PTPRD: variants seen among roughly 807,000 people sequenced by gnomAD.
The protein encoded by PTPRD is protein tyrosine phosphatase receptor type D.
A neutral mutation model predicts 214.5 loss-of-function variants in PTPRD; 34 were observed. The ratio of observed to expected loss-of-function variants is 0.16; its 90% CI spans 0.12 to 0.21. The LOEUF (loss-of-function observed/expected upper bound fraction) is 0.21, where lower values mean the gene tolerates loss of function less well. Among genes scored for constraint, PTPRD ranks in the 10% least tolerant of loss-of-function variants. PTPRD has a pLI of 1.00. For synonymous variants in PTPRD, 1,128 were observed against 845.7 expected, an observed-to-expected ratio of 1.33 and a Z score of -5.79; for missense variants, 2,545 against 2,398.7, an observed-to-expected ratio of 1.06 and a Z score of -1.27.
intron 5 of PTPRD, among the ~76,000 whole-genome samples, chr9:9,834,192 G>A (rs897235213): frequency 1.1e-4 from 16 of 152,022 alleles, no homozygotes; most frequent in African/African-American, 3.9e-4. Flanking sequence ...CTTCTGCCAT[G>A]GCTTCAGCCG....
chr9:9,724,901 C>T (rs973615639), intron 7 of PTPRD, among the ~76,000 whole-genome samples: 2 of 152,122 alleles, frequency 1.3e-5, no homozygotes, highest in Admixed American at 1.3e-4. Context: ...TACTAAGCTA[C>T]AGTACAATGA....
chr9:9,059,785 G>C (rs2099703747), intron 10 of PTPRD, among the ~76,000 whole-genome samples: 1 of 151,834 alleles, frequency 6.6e-6, no homozygotes, highest in Non-Finnish European at 1.5e-5. Context: ...ACAAATATTA[G>C]AAAATGAAAT....
intron 6 of PTPRD, among the ~76,000 whole-genome samples, chr9:9,740,642 G>A (rs1017141089): frequency 4.6e-5 from 7 of 152,126 alleles, no homozygotes; most frequent in African/African-American, 7.2e-5. Flanking sequence ...GGGATTACAG[G>A]CCTGAGCCAC....
Position 9,887,788 on chromosome 9 carries a change from G to C in PTPRD, c.-368+50719C>G, listed in dbSNP as rs116377335. On this transcript the variant is annotated intron_variant, in intron 5 of 45. Transcript: ENST00000381196. ...AGTTTTACTAGTAGGAAAATGTGGA[G>C]GGGGCAATATTTTTAAAATACTCTT... Among the ~76,000 whole-genome samples, 1,284 of 152,210 alleles carry C rather than the reference G, an allele frequency of 8.4e-3. 19 individuals carry two copies. The highest frequency in any genetic ancestry group is 0.029 in the African/African-American group (1,223 of 41,534).
chr9:9,672,024 A>G, intron 7 of PTPRD, among the ~76,000 whole-genome samples: 1 of 152,214 alleles, frequency 6.6e-6, no homozygotes, highest in East Asian at 1.9e-4. Flanking sequence ...TCAGGGATGC[A>G]TTTGAGAGAA....
At chr9:9,600,731 T>C (rs1263329812) in intron 7 of PTPRD, among the ~76,000 whole-genome samples, 1 of 152,142 alleles carries the variant, frequency 6.6e-6, no homozygotes, top group African/African-American at 2.4e-5. Context: ...ATAACAATTA[T>C]AACAGAACCG....
intron 6 of PTPRD, among the ~76,000 whole-genome samples, chr9:9,751,387 C>T (rs1336111316): frequency 6.6e-6 from 1 of 152,008 alleles, no homozygotes; most frequent in Non-Finnish European, 1.5e-5. Flanking sequence ...AAAATTAATG[C>T]AACATTAGAA....
At chr9:9,085,139 A>AT (rs1274827615) in intron 10 of PTPRD, among the ~76,000 whole-genome samples, 1 of 152,042 alleles carries the variant, frequency 6.6e-6, no homozygotes, top group Non-Finnish European at 1.5e-5. Context: ...ATATTTAGTG[A>AT]TTTTTTTGGT....
At chr9:8,987,508 A>T (rs1490765465) in intron 11 of PTPRD, among the ~76,000 whole-genome samples, 2 of 152,126 alleles carry the variant, frequency 1.3e-5, no homozygotes, top group African/African-American at 4.8e-5. Flanking sequence ...AGAGAAAGAA[A>T]AGTGCTGTGT....
chr9:9,620,799 C>T (rs569708533), intron 7 of PTPRD, among the ~76,000 whole-genome samples: 2 of 151,624 alleles, frequency 1.3e-5, no homozygotes, highest in South Asian at 4.2e-4. Flanking sequence ...TTATCGTCAG[C>T]TACATCAGCA....
intron 14 of PTPRD, among the ~76,000 whole-genome samples, chr9:8,564,610 G>A (rs543443065): frequency 1.3e-5 from 2 of 152,252 alleles, no homozygotes; most frequent in East Asian, 3.9e-4. Flanking sequence ...TGAGGCAGGA[G>A]AATTGTTTGA....
intron 10 of PTPRD, among the ~76,000 whole-genome samples, chr9:9,094,465 G>C (rs1006799424): frequency 6.6e-6 from 1 of 152,134 alleles, no homozygotes; most frequent in African/African-American, 2.4e-5. Context: ...TGGGAGCTAA[G>C]CTAGGAGGAC....
chr9:9,775,456 T>C (rs1189535520), intron 5 of PTPRD, among the ~76,000 whole-genome samples: 2 of 152,170 alleles, frequency 1.3e-5, no homozygotes, highest in Non-Finnish European at 2.9e-5. Context: ...AATAAAATAA[T>C]TAGAATTACA....
At chr9:9,617,683 G>A (rs945554528) in intron 7 of PTPRD, among the ~76,000 whole-genome samples, 1 of 152,086 alleles carries the variant, frequency 6.6e-6, no homozygotes, top group Admixed American at 6.5e-5. Flanking sequence ...TGAAGGGTGG[G>A]GTGAAGTAGG....
chr9:9,921,750 A>G (rs1456384405), intron 5 of PTPRD, among the ~76,000 whole-genome samples: 1 of 146,718 alleles, frequency 6.8e-6, no homozygotes, highest in Non-Finnish European at 1.5e-5. Context: ...AATTTATAGA[A>G]GTAAAAAAAA....
chr9:8,496,211 A>ACACAAACAC (rs1554641959), intron 26 of PTPRD, among the ~76,000 whole-genome samples: 4 of 91,450 alleles, frequency 4.4e-5, no homozygotes, highest in African/African-American at 1.5e-4. Context: ...CACACACACA[A>ACACAAACAC]ACACACACAC....
chr9:9,954,230 C>A (rs1389951030), intron 4 of PTPRD, among the ~76,000 whole-genome samples: 1 of 133,916 alleles, frequency 7.5e-6, no homozygotes. Flanking sequence ...TGGGAGGAGG[C>A]TACAGTGAGC....
intron 3 of PTPRD, among the ~76,000 whole-genome samples, chr9:10,104,816 G>A (rs917093271): frequency 1.3e-5 from 2 of 151,822 alleles, no homozygotes; most frequent in Non-Finnish European, 2.9e-5. Context: ...TATTTAAGAA[G>A]CAACAGCTTT....
chr9:10,173,446 T>C (rs1014418077), intron 3 of PTPRD, among the ~76,000 whole-genome samples: 17 of 152,154 alleles, frequency 1.1e-4, no homozygotes, highest in African/African-American at 2.9e-4. Flanking sequence ...AATTCCCCCA[T>C]AGATTATCAC....
Sources: allele counts gnomAD v4.1 joint callset (sites outside exome capture counted in the v4.1 genomes callset), GRCh38; gene constraint gnomAD v4.1.1; transcripts MANE v1.5; gene names NCBI Gene and HGNC (gene_info 2026-07-23, HGNC 2026-07-21).